DPP8: variants seen among roughly 807,000 people sequenced by gnomAD.
DPP8 encodes DPP VIII.
DPP8 carries 31 observed loss-of-function variants against 107.5 expected under a neutral mutation model. That is an observed-to-expected ratio of 0.29 (90% CI 0.22 to 0.39). The LOEUF (loss-of-function observed/expected upper bound fraction) is 0.39, where lower values mean the gene tolerates loss of function less well. Ranked by LOEUF, DPP8 falls within the 10% of genes least tolerant of loss-of-function variation. The pLI is 1.00. For synonymous variants in DPP8, 381 were observed against 356.6 expected (o/e 1.07, Z -0.77); for missense variants, 842 against 1,076.1 (o/e 0.78, Z 3.04).
At chr15:65,505,907 G>A (rs558565023) in intron 3 of DPP8, among the ~76,000 whole-genome samples, 113 of 142,144 alleles carry the variant, frequency 7.9e-4, no homozygotes, top group Non-Finnish European at 1.5e-3. Flanking sequence ...CCAAGATTGC[G>A]CCACTGCGCT....
intron 2 of DPP8, among the ~76,000 whole-genome samples, chr15:65,511,489 A>C (rs2070761104): frequency 6.6e-6 from 1 of 152,000 alleles, no homozygotes; most frequent in South Asian, 2.1e-4. Context: ...ATTAAAAAAA[A>C]AACAAAACAA....
intron 5 of DPP8, among the ~76,000 whole-genome samples, chr15:65,496,459 A>G (rs1371294154): frequency 6.6e-6 from 1 of 152,120 alleles, no homozygotes; most frequent in African/African-American, 2.4e-5. Flanking sequence ...AAAGCAATAC[A>G]CTATTTCCCA....
chr15:65,495,557 T>C (rs376505425), intron 5 of DPP8, among the ~76,000 whole-genome samples: 3 of 151,962 alleles, frequency 2.0e-5, no homozygotes, highest in Non-Finnish European at 4.4e-5. Flanking sequence ...TGAGCTGAGA[T>C]AGCCCACTGC....
chr15:65,451,209 A>G, intron 18 of DPP8, 99 bp from the exon 19 acceptor site: 1 of 715,390 alleles, frequency 1.4e-6, no homozygotes, highest in South Asian at 1.7e-5. Context: ...TAACTTCCTT[A>G]TACTGTAATG....
intron 3 of DPP8, among the ~76,000 whole-genome samples, chr15:65,502,161 T>C (rs1027552796): frequency 6.6e-6 from 1 of 152,162 alleles, no homozygotes; most frequent in Non-Finnish European, 1.5e-5. Context: ...AGCATTGGGA[T>C]TACAGGTGTG....
At chr15:65,457,955 G>A (rs1011540686) in intron 15 of DPP8, among the ~76,000 whole-genome samples, 1 of 152,126 alleles carries the variant, frequency 6.6e-6, no homozygotes. Context: ...ACAGCACCTG[G>A]CTAAAGATAT....
At chr15:65,497,835 A>G in intron 5 of DPP8, 29 bp downstream of exon 5, 2 of 1,416,516 alleles carry the variant, frequency 1.4e-6, no homozygotes, top group Non-Finnish European at 1.9e-6. Flanking sequence ...TACTGTTCAG[A>G]AAAGTAAATC....
At chr15:65,458,211 T>C (rs1346667896) in intron 15 of DPP8, among the ~76,000 whole-genome samples, 1 of 152,186 alleles carries the variant, frequency 6.6e-6, no homozygotes, top group Non-Finnish European at 1.5e-5. Flanking sequence ...GGATTTTTAT[T>C]TGCAGAACAG....
rs1230403833 is a variant in DPP8, at chr15:65,512,526, G to A, written c.28C>T (p.Leu10=). 2 of 1,614,058 alleles carry A rather than the reference G, an allele frequency of 1.2e-6. No individual in the cohort carries two copies. Among genetic ancestry groups the A allele is most frequent in the Admixed American group, 1.7e-5 (1 of 59,992 alleles). The change falls in exon 2 of 20, where the codon CTG becomes TTG. Residue 10 remains leucine (L), a synonymous_variant. Coordinates refer to ENST00000300141, the MANE Select transcript of DPP8 (RefSeq NM_130434.5). ...GCAGTTTCAAATATCTCAACACCCA[G>A]CTGTTCTGTTTCCATTGCTGCTGCC... The part of the protein sequence containing the change: MAAAMETEQ[L]GVEIFETADC...
intron 11 of DPP8, among the ~76,000 whole-genome samples, chr15:65,478,553 C>T (rs991331631): frequency 6.6e-6 from 1 of 152,102 alleles, no homozygotes. Context: ...AGCCACTGCA[C>T]CCAGCCAAAA....
At chr15:65,479,181 A>C (rs1016092999) in intron 10 of DPP8, 142 bp from the exon 11 acceptor site, 3 of 537,072 alleles carry the variant, frequency 5.6e-6, no homozygotes, top group Non-Finnish European at 9.0e-6. Flanking sequence ...ATTTACAGTA[A>C]TAAATTTTGC....
chr15:65,498,595 C>T (rs1273537553), intron 4 of DPP8, among the ~76,000 whole-genome samples: 1 of 151,966 alleles, frequency 6.6e-6, no homozygotes, highest in Non-Finnish European at 1.5e-5. Context: ...AATTTTGTTG[C>T]CCAACCTGTT....
chr15:65,470,919 CAAA>C (rs773144225), intron 12 of DPP8, among the ~76,000 whole-genome samples: 4 of 110,768 alleles, frequency 3.6e-5, no homozygotes, highest in Admixed American at 9.9e-5. Context: ...ACTCTTATCT[CAAA>C]AAAAAAAAAA....
chr15:65,517,304 G>C (rs77021556), intron 1 of DPP8, 182 bp downstream of exon 1: 2 of 152,484 alleles, frequency 1.3e-5, no homozygotes, highest in South Asian at 2.1e-4. Flanking sequence ...CCGGCAAGTG[G>C]GGGGGAGGGG....
At position 65,467,114 on chromosome 15, in the gene DPP8, C is replaced by T. The variant is rs1245339403; in HGVS notation, c.1646G>A (p.Arg549Lys). 2 of 1,614,152 alleles carry T rather than the reference C, an allele frequency of 1.2e-6. No homozygotes were observed. The highest frequency in any genetic ancestry group is 1.7e-6 in the Non-Finnish European group (2 of 1,180,028). ...VSYVNPGEVT[R>K]LTDRGYSHSC... ...ATGTGAGTAGCCACGGTCAGTCAGC[C>T]TTGTCACCTCTCCAGGATTTACGTA... The change falls in exon 13 of 20, where the codon AGG becomes AAG. Residue 549 changes from arginine to lysine, a missense_variant. Physicochemically the swap from Arg to Lys is conservative, Grantham distance 26. Transcript: ENST00000300141.
At chr15:65,489,740 A>T (rs2067828473) in intron 6 of DPP8, among the ~76,000 whole-genome samples, 1 of 149,312 alleles carries the variant, frequency 6.7e-6, no homozygotes, top group African/African-American at 2.5e-5. Flanking sequence ...TTTTTGAGAC[A>T]AAGTTTTGCT....
At chr15:65,509,910 AC>A (rs2070541932) in intron 2 of DPP8, among the ~76,000 whole-genome samples, 1 of 152,234 alleles carries the variant, frequency 6.6e-6, no homozygotes, top group African/African-American at 2.4e-5. Flanking sequence ...AGTCCCAGCT[AC>A]TTGGGAGGCT....
intron 12 of DPP8, among the ~76,000 whole-genome samples, chr15:65,471,366 G>C (rs922990789): frequency 6.6e-6 from 1 of 152,058 alleles, no homozygotes; most frequent in Non-Finnish European, 1.5e-5. Context: ...CTGTTGTTTT[G>C]AGGCGGGTAT....
chr15:65,464,190 C>T (rs1473215716), intron 14 of DPP8, among the ~76,000 whole-genome samples: 1 of 151,962 alleles, frequency 6.6e-6, no homozygotes, highest in East Asian at 1.9e-4. Flanking sequence ...GGTGAAACCC[C>T]GCCTCTACTA....
Sources: allele counts gnomAD v4.1 joint callset (sites outside exome capture counted in the v4.1 genomes callset), GRCh38; gene constraint gnomAD v4.1.1; transcripts MANE v1.5; gene names NCBI Gene and HGNC (gene_info 2026-07-23, HGNC 2026-07-21).